Variants in CAMKMT observed in about 807,000 individuals in gnomAD.
CAMKMT encodes the protein calmodulin-lysine N-methyltransferase, also known as CaM KMT.
A neutral mutation model predicts 48.0 loss-of-function variants in CAMKMT; 53 were observed. The ratio of observed to expected loss-of-function variants is 1.10; its 90% CI spans 0.89 to 1.39. CAMKMT has a LOEUF of 1.39. Among genes scored for constraint, CAMKMT ranks in the 40% most tolerant of loss-of-function variants. The pLI, the probability that CAMKMT is intolerant of heterozygous loss-of-function variation, is 0.00. For missense variants in CAMKMT, 428 were observed against 402.7 expected (o/e 1.06, Z -0.54); for synonymous variants, 165 against 152.3 (o/e 1.08, Z -0.61).
chr2:44,703,238 C>T (rs1372121221), intron 3 of CAMKMT, among the ~76,000 whole-genome samples: 1 of 152,024 alleles, frequency 6.6e-6, no homozygotes, highest in South Asian at 2.1e-4. Flanking sequence ...CACTTATAAT[C>T]CTACCATCCT....
intron 3 of CAMKMT, among the ~76,000 whole-genome samples, chr2:44,599,030 A>G (rs554514667): frequency 6.6e-6 from 1 of 151,992 alleles, no homozygotes; most frequent in Non-Finnish European, 1.5e-5. Context: ...CCAATTATAA[A>G]TCTTTTAGCA....
At chr2:44,617,232 C>A (rs1051579027) in intron 3 of CAMKMT, among the ~76,000 whole-genome samples, 1 of 152,190 alleles carries the variant, frequency 6.6e-6, no homozygotes, top group Non-Finnish European at 1.5e-5. Flanking sequence ...AAGTCACATT[C>A]TAGCAGAAAC....
At chr2:44,717,115 A>G (rs1482716502) in intron 7 of CAMKMT, among the ~76,000 whole-genome samples, 1 of 152,198 alleles carries the variant, frequency 6.6e-6, no homozygotes, top group Non-Finnish European at 1.5e-5. Flanking sequence ...TGCTTAATAC[A>G]TGGCCTTTGT....
intron 3 of CAMKMT, among the ~76,000 whole-genome samples, chr2:44,452,107 A>T (rs139290954): frequency 2.0e-5 from 3 of 152,092 alleles, no homozygotes; most frequent in African/African-American, 7.2e-5. Context: ...TAACTTAGGC[A>T]TTATTTAAAC....
At chr2:44,699,024 C>T (rs370747957) in intron 3 of CAMKMT, among the ~76,000 whole-genome samples, 1 of 152,182 alleles carries the variant, frequency 6.6e-6, no homozygotes, top group East Asian at 1.9e-4. Flanking sequence ...CATGAGATTG[C>T]AGCAATTCAG....
chr2:44,402,923 G>GT (rs67305689), intron 3 of CAMKMT, among the ~76,000 whole-genome samples: 4,196 of 134,262 alleles, frequency 0.031, 200 homozygotes, highest in African/African-American at 0.1. Flanking sequence ...ATTACTGAAA[G>GT]TTTTTTTTTT....
rs118048128 is a variant in CAMKMT, at chr2:44,453,388, T to C, written c.376+63083T>C. Among the ~76,000 whole-genome samples the C allele has an allele frequency of 1.7e-3, 255 of 152,204 alleles. 13 individuals are homozygous for C. The East Asian group carries it at 0.047, about 28-fold the overall frequency. ...TTCAAGTGAACCATCTCATTTAAAA[T>C]TAGCCCAGGGGTCTTGTAAAGAATG... On this transcript the variant is annotated intron_variant, in intron 3 of 10. Transcript: ENST00000378494.
intron 3 of CAMKMT, among the ~76,000 whole-genome samples, chr2:44,497,123 G>C (rs1285996736): frequency 6.6e-6 from 1 of 152,102 alleles, no homozygotes; most frequent in Admixed American, 6.6e-5. Context: ...AGTTTTAAAG[G>C]CTCCAGAGTA....
intron 3 of CAMKMT, among the ~76,000 whole-genome samples, chr2:44,542,158 G>T (rs1402363356): frequency 2.0e-5 from 3 of 149,456 alleles, no homozygotes; most frequent in South Asian, 2.1e-4. Flanking sequence ...CCATATCTTT[G>T]TCTCTAACAG....
chr2:44,559,280 C>T (rs573337481), intron 3 of CAMKMT, among the ~76,000 whole-genome samples: 1 of 152,080 alleles, frequency 6.6e-6, no homozygotes, highest in Non-Finnish European at 1.5e-5. Context: ...GGAACTCCTC[C>T]GAGAGCATCT....
At chr2:44,597,930 T>C (rs960826208) in intron 3 of CAMKMT, among the ~76,000 whole-genome samples, 2 of 151,984 alleles carry the variant, frequency 1.3e-5, no homozygotes, top group African/African-American at 4.8e-5. Context: ...AGAGACGGGG[T>C]TTCACCATGT....
chr2:44,611,794 G>A (rs1671612934), intron 3 of CAMKMT, among the ~76,000 whole-genome samples: 1 of 151,858 alleles, frequency 6.6e-6, no homozygotes, highest in Admixed American at 6.6e-5. Flanking sequence ...TTCCAATCAT[G>A]GTGGAAGGTG....
chr2:44,421,603 TTTATAACTA>T (rs1468175343), intron 3 of CAMKMT, among the ~76,000 whole-genome samples: 5 of 152,178 alleles, frequency 3.3e-5, no homozygotes, highest in Non-Finnish European at 7.4e-5. Context: ...TATCTTGCTT[TTTATAACTA>T]AAGTTTGTTT....
At chr2:44,366,627 G>A (rs931651712) in intron 1 of CAMKMT, among the ~76,000 whole-genome samples, 14 of 152,200 alleles carry the variant, frequency 9.2e-5, no homozygotes, top group African/African-American at 3.4e-4. Context: ...CACATACTTT[G>A]GAAGGTTGTT....
At chr2:44,722,087 A>G (rs528290665) in intron 7 of CAMKMT, among the ~76,000 whole-genome samples, 37 of 151,842 alleles carry the variant, frequency 2.4e-4, no homozygotes, top group African/African-American at 8.5e-4. Flanking sequence ...GGCATTTGTC[A>G]TTTTTGGTAC....
intron 2 of CAMKMT, among the ~76,000 whole-genome samples, chr2:44,383,074 C>T (rs577077280): frequency 5.9e-5 from 9 of 151,996 alleles, no homozygotes; most frequent in African/African-American, 1.2e-4. Context: ...ACTGCCTTTT[C>T]GGAGGCCATT....
intron 3 of CAMKMT, among the ~76,000 whole-genome samples, chr2:44,537,440 G>T (rs1666836778): frequency 6.6e-6 from 1 of 152,190 alleles, no homozygotes; most frequent in Non-Finnish European, 1.5e-5. Flanking sequence ...CTAATCATCA[G>T]GGAAATGCAA....
rs370141046 is a variant in CAMKMT at position 44,503,984 on chromosome 2, G to GGAGAGAGAGAGA, written c.376+113692_376+113703dup. 2.3e-3 allele frequency among the ~76,000 whole-genome samples: 330 copies of GGAGAGAGAGAGA among 142,672 alleles called. 1 individual carries two copies. Among genetic ancestry groups the GGAGAGAGAGAGA allele is most frequent in the African/African-American group, 7.2e-3 (269 of 37,346 alleles). The allele number at this position is 142,672 out of a possible 152,430, so 93.6% of individuals were successfully genotyped here. On this transcript the variant is annotated intron_variant, in intron 3 of 10. Coordinates refer to ENST00000378494, the MANE Select transcript of CAMKMT (RefSeq NM_024766.5). ...AAAGAGAGAGGGGAAGAGCGGGTGG[G>GGAGAGAGAGAGA]GAGAGAGAGAGAGAGAGAGAGAGAA...
chr2:44,414,143 G>A (rs1026216928), intron 3 of CAMKMT, among the ~76,000 whole-genome samples: 1 of 152,258 alleles, frequency 6.6e-6, no homozygotes, highest in East Asian at 1.9e-4. Context: ...GTTAGCCAGA[G>A]GTGATTGCTT....
Sources: gnomAD v4.1 joint callset for allele counts (sites outside exome capture counted in the v4.1 genomes callset) on GRCh38, gnomAD v4.1.1 for gene constraint, MANE v1.5 for transcripts, NCBI Gene and HGNC (gene_info 2026-07-23, HGNC 2026-07-21) for gene names.